Variants in L3MBTL3 observed in about 807,000 individuals in gnomAD.
L3MBTL3 encodes the protein L3MBTL histone methyl-lysine binding protein 3, also known as lethal(3)malignant brain tumor-like protein 3.
L3MBTL3 carries 27 observed loss-of-function variants against 102.3 expected under a neutral mutation model. The ratio of observed to expected loss-of-function variants is 0.26; its 90% CI spans 0.19 to 0.36. L3MBTL3 has a LOEUF of 0.36. Ranked by LOEUF, L3MBTL3 falls within the 10% of genes least tolerant of loss-of-function variation. L3MBTL3 has a pLI of 1.00. For synonymous variants in L3MBTL3, 340 were observed against 320.9 expected (o/e 1.06, Z -0.64); for missense variants, 798 against 955.3 (o/e 0.84, Z 2.17).
At chr6:130,135,070 C>CTTTTTTTTTTTTTTTT (rs5880000) in intron 22 of L3MBTL3, among the ~76,000 whole-genome samples, 1 of 127,418 alleles carries the variant, frequency 7.8e-6, no homozygotes, top group African/African-American at 3.0e-5. Context: ...CTGTTTTTTC[C>CTTTTTTTTTTTTTTTT]TTTTTTTTTT....
intron 16 of L3MBTL3, among the ~76,000 whole-genome samples, chr6:130,091,074 G>C (rs952886758): frequency 1.3e-5 from 2 of 152,082 alleles, no homozygotes; most frequent in African/African-American, 2.4e-5. Flanking sequence ...GGGGTTTCTT[G>C]TAGGTCTTTC....
At chr6:130,056,440 A>G (rs543909249) in intron 8 of L3MBTL3, among the ~76,000 whole-genome samples, 1 of 152,260 alleles carries the variant, frequency 6.6e-6, no homozygotes, top group African/African-American at 2.4e-5. Context: ...AGTCAGTCAT[A>G]CTGTCCCGAC....
At chr6:130,056,943 T>C (rs1367864358) in intron 8 of L3MBTL3, among the ~76,000 whole-genome samples, 2 of 152,214 alleles carry the variant, frequency 1.3e-5, no homozygotes, top group African/African-American at 4.8e-5. Context: ...GCCTCTATTA[T>C]TTTTATCACT....
chr6:130,061,229 C>T (rs565027063), intron 10 of L3MBTL3, among the ~76,000 whole-genome samples: 160 of 152,086 alleles, frequency 1.1e-3, no homozygotes, highest in Admixed American at 1.9e-3. Flanking sequence ...GGACTACAGG[C>T]GCGTGCCACC....
chr6:130,118,983 T>C (rs1785926682), intron 19 of L3MBTL3, among the ~76,000 whole-genome samples: 1 of 152,194 alleles, frequency 6.6e-6, no homozygotes, highest in African/African-American at 2.4e-5. Context: ...GGAACTTTTT[T>C]CATAGCTCAA....
intron 19 of L3MBTL3, among the ~76,000 whole-genome samples, chr6:130,110,433 G>A (rs1303346172): frequency 6.6e-6 from 1 of 152,058 alleles, no homozygotes; most frequent in Admixed American, 6.5e-5. Context: ...TTTATTCCTA[G>A]GTGTTTTATT....
At chr6:130,091,473 A>C in intron 16 of L3MBTL3, among the ~76,000 whole-genome samples, 1 of 152,112 alleles carries the variant, frequency 6.6e-6, no homozygotes, top group Non-Finnish European at 1.5e-5. Flanking sequence ...CCTAAAAAAA[A>C]CATGGTCGAT....
rs764844946 is a variant in L3MBTL3, at chr6:130,133,646, C to T, written c.2136+25C>T. 28 of 1,609,366 alleles carry T rather than the reference C, an allele frequency of 1.7e-5. No individual in the cohort carries two copies. Among genetic ancestry groups the T allele is most frequent in the East Asian group, 1.3e-4 (6 of 44,790 alleles). The stretch of plus-strand genomic sequence containing the variant: ...GGTATATTTTATTTTCTTTGCTGCC[C>T]GACACCAGATACAGGATTACTGGCT... On this transcript the variant is annotated intron_variant, in intron 21 of 22. Transcript: ENST00000361794. This position sits in a 1 kb window ranked among gnomAD's most constrained non-coding sequence, Gnocchi z 4.9.
At chr6:130,069,206 T>A (rs1287352534) in intron 12 of L3MBTL3, among the ~76,000 whole-genome samples, 1 of 152,208 alleles carries the variant, frequency 6.6e-6, no homozygotes, top group Non-Finnish European at 1.5e-5. Context: ...CAGCCCAGCT[T>A]TCTCTCTAGT....
chr6:130,057,519 T>A, intron 9 of L3MBTL3, 22 bp downstream of exon 9: 1 of 1,575,930 alleles, frequency 6.3e-7, no homozygotes, highest in South Asian at 1.2e-5. Context: ...TCTAGAGACG[T>A]GATCTGTAAG....
chr6:130,103,239 A>G (rs1346218746), intron 18 of L3MBTL3, among the ~76,000 whole-genome samples: 1 of 152,236 alleles, frequency 6.6e-6, no homozygotes, highest in East Asian at 1.9e-4. Flanking sequence ...CATTATATAA[A>G]TTTATGTCAG....
intron 13 of L3MBTL3, among the ~76,000 whole-genome samples, chr6:130,076,490 G>T (rs1782958861): frequency 6.6e-6 from 1 of 151,782 alleles, no homozygotes; most frequent in Non-Finnish European, 1.5e-5. Flanking sequence ...TTGGTTTCTG[G>T]CCCTTTTAGA....
At chr6:130,083,270 A>G (rs1783480008) in intron 14 of L3MBTL3, among the ~76,000 whole-genome samples, 1 of 152,100 alleles carries the variant, frequency 6.6e-6, no homozygotes. Flanking sequence ...TAATTTTCAC[A>G]TTTACAAACA....
At chr6:130,079,491 GTA>G (rs752683465) in intron 14 of L3MBTL3, among the ~76,000 whole-genome samples, 1 of 152,186 alleles carries the variant, frequency 6.6e-6, no homozygotes. Context: ...TCAAGACAGT[GTA>G]TTTGTGCGTA....
chr6:130,072,433 A>T (rs1295415406), intron 13 of L3MBTL3, among the ~76,000 whole-genome samples: 2 of 152,200 alleles, frequency 1.3e-5, no homozygotes, highest in Non-Finnish European at 2.9e-5. Flanking sequence ...TCTCCTGCTG[A>T]TACCAAGGCA....
chr6:130,070,959 T>C lies in L3MBTL3; in HGVS notation c.1093-17T>C. The C allele has an allele frequency of 1.9e-6, 3 of 1,609,722 alleles. No individual in the cohort carries two copies. The highest frequency in any genetic ancestry group is 2.5e-6 in the Non-Finnish European group (3 of 1,177,470). On this transcript the variant is annotated splice_polypyrimidine_tract_variant and intron_variant, in intron 12 of 22. Transcript: ENST00000361794. ...AAGTGTGTGCTTATCTCTAATTAAA[T>C]CTGTGTGTTTCCATAGACAGTGATC...
chr6:130,057,675 C>T (rs1179380617), intron 9 of L3MBTL3, among the ~76,000 whole-genome samples, 178 bp downstream of exon 9: 33 of 152,134 alleles, frequency 2.2e-4, no homozygotes, highest in Non-Finnish European at 7.4e-5. Flanking sequence ...TCCCATGTGC[C>T]ACACATGTGC....
chr6:130,098,834 G>A (rs1228208904), intron 18 of L3MBTL3, among the ~76,000 whole-genome samples: 1 of 151,072 alleles, frequency 6.6e-6, no homozygotes, highest in African/African-American at 2.4e-5. Flanking sequence ...ATGCACAGTG[G>A]CCTGATAGAG....
At chr6:130,045,948 T>G (rs965824518) in intron 3 of L3MBTL3, among the ~76,000 whole-genome samples, 2 of 152,234 alleles carry the variant, frequency 1.3e-5, no homozygotes, top group African/African-American at 2.4e-5. Context: ...CTTTGGAAAC[T>G]TCACCAATGC....
Sources: allele counts gnomAD v4.1 joint callset (sites outside exome capture counted in the v4.1 genomes callset), GRCh38; gene constraint gnomAD v4.1.1; non-coding constraint Gnocchi (gnomAD v3.1); transcripts MANE v1.5; gene names NCBI Gene and HGNC (gene_info 2026-07-23, HGNC 2026-07-21).